Variants in HOXD10 observed in about 807,000 individuals in gnomAD.
The protein encoded by HOXD10 is homeobox D10.
A neutral mutation model predicts 27.0 loss-of-function variants in HOXD10; 15 were observed. The ratio of observed to expected loss-of-function variants is 0.56; its 90% CI spans 0.37 to 0.85. The LOEUF is 0.85. Among genes scored for constraint, HOXD10 ranks in the 40% least tolerant of loss-of-function variants. The pLI, the probability that HOXD10 is intolerant of heterozygous loss-of-function variation, is 0.00. For synonymous variants in HOXD10, 178 were observed against 160.9 expected (o/e 1.11, Z -0.80); for missense variants, 440 against 430.4 (o/e 1.02, Z -0.20).
rs1461734610 is a variant in HOXD10, at chr2:176,119,021, C to T, written c.813C>T (p.Cys271=). 4 of 1,613,608 alleles carry T rather than the reference C, an allele frequency of 2.5e-6. No homozygotes were observed. The highest frequency in any genetic ancestry group is 2.2e-5 in the East Asian group (1 of 44,896). Residue 271 remains cysteine, a synonymous_variant, in exon 2 of 2, where the codon TGC becomes TGT. Coordinates refer to ENST00000249501, the MANE Select transcript of HOXD10 (RefSeq NM_002148.4). ...CAAAGAGTGGCAGAAAGAAGAGGTG[C>T]CCTTACACTAAGCACCAAACGCTGG... The part of the protein sequence containing the change: ...LTAKSGRKKR[C]PYTKHQTLEL...
At chr2:176,118,249 T>G (rs567763109) in intron 1 of HOXD10, among the ~76,000 whole-genome samples, 1 of 152,194 alleles carries the variant, frequency 6.6e-6, no homozygotes, top group African/African-American at 2.4e-5. Flanking sequence ...GATCTGGCTT[T>G]TTGAGAAGGA....
Position 176,119,199 on chromosome 2 carries a change from C to A in HOXD10, c.991C>A (p.Arg331=). The A allele has an allele frequency of 6.2e-7, 1 of 1,613,742 alleles. No homozygotes were observed. The highest frequency in any genetic ancestry group is 8.5e-7 in the Non-Finnish European group (1 of 1,180,004). The change falls in exon 2 of 2, where the codon CGA becomes AGA. Residue 331 remains arginine, a synonymous_variant. Coordinates refer to ENST00000249501, the MANE Select transcript of HOXD10 (RefSeq NM_002148.4). ...GAAGATGAGCCGAGAGAACCGGATC[C>A]GAGAACTGACCGCCAACCTCACGTT... is the stretch of plus-strand genomic sequence containing the variant. ...LKKMSRENRI[R]ELTANLTFS
Position 176,116,939 on chromosome 2 carries a change from A to G in HOXD10, c.106A>G (p.Met36Val), listed in dbSNP as rs779374325. ...SFYSSSASMY[M>V]PPPSADMGTY... is the part of the protein sequence containing the mutation. The stretch of plus-strand genomic sequence containing the variant: ...TTATTCCAGCAGCGCCAGCATGTAC[A>G]TGCCACCACCTAGCGCAGACATGGG... The change falls in exon 1 of 2, where the codon ATG (methionine) becomes GTG (valine). Residue 36 changes from methionine (M) to valine (V), a missense_variant. Coordinates refer to ENST00000249501, the MANE Select transcript of HOXD10 (RefSeq NM_002148.4). The G allele has an allele frequency of 5.0e-6, 8 of 1,614,156 alleles. No homozygotes were observed. Among genetic ancestry groups the G allele is most frequent in the Non-Finnish European group, 6.8e-6 (8 of 1,180,018 alleles).
In HOXD10 at chr2:176,117,585, A is replaced by T. The variant is rs1367640042; in HGVS notation, c.745+7A>T. On this transcript the variant is annotated splice_region_variant and intron_variant, in intron 1 of 1. Transcript: ENST00000249501. ...CAGGAGAAGGAAAGCAAAGGTCGGT[A>T]TGAGCAGAGTTGCCACCCCAGCGGG... 2 of 1,612,816 alleles carry T rather than the reference A, an allele frequency of 1.2e-6. No individual in the cohort carries two copies. The highest frequency in any genetic ancestry group is 1.1e-5 in the South Asian group (1 of 91,072).
rs757830879 is a variant in HOXD10 at position 176,117,034 on chromosome 2, G to A, written c.201G>A (p.Met67Ile). Residue 67 changes from methionine to isoleucine, a missense_variant, in exon 1 of 2, where the codon ATG becomes ATA. By Grantham distance (10) the Met-to-Ile change is conservative (BLOSUM62 1). Transcript: ENST00000249501. ...AAAGAGAAGTGAACCACCAAAATATGGGTATGAATGTGCATCCTTATATAC... is the reference window on the plus strand; with the variant it reads ...AAAGAGAAGTGAACCACCAAAATATAGGTATGAATGTGCATCCTTATATAC... ...LAKREVNHQN[M>I]GMNVHPYIPQ... 1.7e-5 allele frequency: 28 copies of A among 1,614,130 alleles called. No homozygotes were observed. The highest frequency in any genetic ancestry group is 1.5e-4 in the South Asian group (14 of 91,080).
intron 1 of HOXD10, among the ~76,000 whole-genome samples, chr2:176,117,857 C>G (rs1689788974): frequency 6.6e-6 from 1 of 152,214 alleles, no homozygotes; most frequent in Non-Finnish European, 1.5e-5. Context: ...AACAAAAGAG[C>G]GCAAAGGAGA....
At position 176,119,211 on chromosome 2, in the gene HOXD10, G is replaced by A; in HGVS notation, c.1003G>A (p.Ala335Thr). The A allele has an allele frequency of 6.2e-7, 1 of 1,613,578 alleles. No individual in the cohort carries two copies. Among genetic ancestry groups the A allele is most frequent in the Non-Finnish European group, 8.5e-7 (1 of 1,180,000 alleles). ...SRENRIRELT[A>T]NLTFS ...AGAGAACCGGATCCGAGAACTGACC[G>A]CCAACCTCACGTTTTCTTAGGTCTG... Residue 335 changes from alanine (A) to threonine (T), a missense_variant, in exon 2 of 2, where the codon GCC becomes ACC. Transcript: ENST00000249501.
At position 176,117,406 on chromosome 2, in the gene HOXD10, C is replaced by T. The variant is rs1689777801; in HGVS notation, c.573C>T (p.Ser191=). Residue 191 remains serine, a synonymous_variant, in exon 1 of 2, where the codon TCC becomes TCT. Coordinates refer to ENST00000249501, the MANE Select transcript of HOXD10 (RefSeq NM_002148.4). ...NPRGAAKPQL[S]AAQLQMEKKM... Reference sequence around the variant, plus strand: ...GTGGCGCGGCCAAGCCGCAGCTCTCCGCTGCCCAGCTGCAGATGGAAAAGA... The same window carrying T: ...GTGGCGCGGCCAAGCCGCAGCTCTCTGCTGCCCAGCTGCAGATGGAAAAGA... 1 of 1,613,302 alleles carries T rather than the reference C, an allele frequency of 6.2e-7. No homozygotes were observed. The highest frequency in any genetic ancestry group is 1.3e-5 in the African/African-American group (1 of 74,944).
chr2:176,119,272 A>T lies in HOXD10; in HGVS notation c.*41A>T. On this transcript the variant is annotated 3_prime_UTR_variant, in exon 2 of 2. Transcript: ENST00000249501. ...GAGGCCGGTCAGAGGCCAGGATTGG[A>T]GAGGGGGCACCGCGTTCCAGGGCCC... 1 of 1,604,272 alleles carries T rather than the reference A, an allele frequency of 6.2e-7. No individual in the cohort carries two copies. Among genetic ancestry groups the T allele is most frequent in the Non-Finnish European group, 8.5e-7 (1 of 1,174,738 alleles).
chr2:176,117,118 A>G lies in HOXD10; in HGVS notation c.285A>G (p.Thr95=). The G allele has an allele frequency of 6.2e-7, 1 of 1,614,154 alleles. No homozygotes were observed. The highest frequency in any genetic ancestry group is 8.5e-7 in the Non-Finnish European group (1 of 1,179,934). The change falls in exon 1 of 2, where the codon ACA becomes ACG. Residue 95 remains threonine, a synonymous_variant. Transcript: ENST00000249501. ...NRSCRIEQPV[T]QQVPTCSFTT... ...CTTGTCGAATAGAGCAACCTGTTACACAGCAAGTCCCCACTTGCTCCTTCA... is the reference window on the plus strand; with the variant it reads ...CTTGTCGAATAGAGCAACCTGTTACGCAGCAAGTCCCCACTTGCTCCTTCA...
chr2:176,117,655 C>T lies in HOXD10; in HGVS notation c.745+77C>T, dbSNP rs554934568. The T allele has an allele frequency of 1.9e-3, 3,008 of 1,545,886 alleles. 2 individuals are homozygous for T. Among genetic ancestry groups the T allele is most frequent in the Non-Finnish European group, 2.5e-3 (2,811 of 1,129,648 alleles). ...GGCAGAGAGGGAGTGCCGGGGTGCC[C>T]AGCGCCGAGCCGGAGCCCGACTTGG... On this transcript the variant is annotated intron_variant, in intron 1 of 1. Coordinates refer to ENST00000249501, the MANE Select transcript of HOXD10 (RefSeq NM_002148.4).
rs571689388 is a variant in HOXD10, at chr2:176,118,918, T to G, written c.746-36T>G. On this transcript the variant is annotated intron_variant, in intron 1 of 1. Coordinates refer to ENST00000249501, the MANE Select transcript of HOXD10 (RefSeq NM_002148.4). ...CAAAAACAAACAAACAAAAAACCTC[T>G]TGATTTTTTTCTTCTTCTCCCTTTA... 46 of 1,574,508 alleles carry G rather than the reference T, an allele frequency of 2.9e-5. No homozygotes were observed. The South Asian group carries it at 4.8e-4, about 16-fold the overall frequency.
In HOXD10 at chr2:176,119,278, G is replaced by A; in HGVS notation, c.*47G>A. The A allele has an allele frequency of 1.3e-6, 2 of 1,598,770 alleles. No homozygotes were observed. Among genetic ancestry groups the A allele is most frequent in the East Asian group, 2.2e-5 (1 of 44,570 alleles). On this transcript the variant is annotated 3_prime_UTR_variant, in exon 2 of 2. Coordinates refer to ENST00000249501, the MANE Select transcript of HOXD10 (RefSeq NM_002148.4). The stretch of plus-strand genomic sequence containing the variant: ...GGTCAGAGGCCAGGATTGGAGAGGG[G>A]GCACCGCGTTCCAGGGCCCAGTGCT...
In HOXD10 at chr2:176,119,254, G is replaced by A. The variant is rs1479024283; in HGVS notation, c.*23G>A. 3 of 1,610,954 alleles carry A rather than the reference G, an allele frequency of 1.9e-6. No homozygotes were observed. Among genetic ancestry groups the A allele is most frequent in the African/African-American group, 1.3e-5 (1 of 74,846 alleles). ...TAGGTCTGAGGCCGGTCTGAGGCCG[G>A]TCAGAGGCCAGGATTGGAGAGGGGG... On this transcript the variant is annotated 3_prime_UTR_variant, in exon 2 of 2. Coordinates refer to ENST00000249501, the MANE Select transcript of HOXD10 (RefSeq NM_002148.4).
chr2:176,117,419 C>T lies in HOXD10; in HGVS notation c.586C>T (p.Gln196Ter), dbSNP rs749450422. The change falls in exon 1 of 2, where the codon CAG becomes TAG. Residue 196 changes from glutamine to a stop codon, truncating the protein, a stop_gained. Coordinates refer to ENST00000249501, the MANE Select transcript of HOXD10 (RefSeq NM_002148.4). LOFTEE classifies it high-confidence loss of function. ...GCCGCAGCTCTCCGCTGCCCAGCTG[C>T]AGATGGAAAAGAAGATGAACGAGCC... is the stretch of plus-strand genomic sequence containing the variant. Reference protein sequence around the residue: ...AKPQLSAAQLQMEKKMNEPVS... With the variant: ...AKPQLSAAQL The T allele has an allele frequency of 6.2e-7, 1 of 1,613,364 alleles. No homozygotes were observed. Among genetic ancestry groups the T allele is most frequent in the Non-Finnish European group, 8.5e-7 (1 of 1,180,030 alleles).
At chr2:176,117,647 G>C in intron 1 of HOXD10, 69 bp downstream of exon 1, 1 of 1,570,246 alleles carries the variant, frequency 6.4e-7, no homozygotes, top group Non-Finnish European at 8.7e-7. Flanking sequence ...AGGGAGTGCC[G>C]GGGTGCCCAG....
In HOXD10 at chr2:176,119,450, TATATATATATATATAA is replaced by T. The variant is rs1182018033; in HGVS notation, c.*221_*236del. 814 of 151,344 alleles carry T rather than the reference TATATATATATATATAA, an allele frequency of 5.4e-3. 1 individual carries two copies. The East Asian group carries it at 0.077, about 14-fold the overall frequency. The allele number at this position is 151,344 out of a possible 1,614,324, so 9.4% of individuals were successfully genotyped here. A position where few individuals can be genotyped will look rare whatever the true frequency, so the allele number is the denominator to read the frequency against. ...ATCCCTATGAGTATATATATATATA[TATATATATATATATAA>T]AAACTTAGCACGTGTAATTTATTAT... On this transcript the variant is annotated 3_prime_UTR_variant, in exon 2 of 2. Transcript: ENST00000249501.
Position 176,119,411 on chromosome 2 carries a change from G to T in HOXD10, c.*180G>T. ...ACTTTGGGGTCATTATGTTCGTGCT[G>T]CAAGTGATCTGTAATCCCTATGAGT... On this transcript the variant is annotated 3_prime_UTR_variant, in exon 2 of 2. Transcript: ENST00000249501. The T allele has an allele frequency of 3.9e-6, 2 of 514,420 alleles. No individual in the cohort carries two copies. The highest frequency in any genetic ancestry group is 3.1e-5 in the Admixed American group (1 of 32,114). 31.9% of individuals were successfully genotyped at this position (514,420 alleles called of 1,614,324 possible). A position where few individuals can be genotyped will look rare whatever the true frequency, so the allele number is the denominator to read the frequency against.
chr2:176,117,293 C>A lies in HOXD10; in HGVS notation c.460C>A (p.Leu154Met), dbSNP rs751991377. Residue 154 changes from leucine (L) to methionine (M), a missense_variant, in exon 1 of 2, where the codon CTG becomes ATG. Coordinates refer to ENST00000249501, the MANE Select transcript of HOXD10 (RefSeq NM_002148.4). ...PEVPVPGYFR[L>M]SQTYATGKTQ... The stretch of plus-strand genomic sequence containing the variant: ...GGTTCCCGTCCCTGGATATTTTAGA[C>A]TGAGTCAGACCTACGCCACCGGGAA... The A allele has an allele frequency of 6.8e-6, 11 of 1,611,744 alleles. No homozygotes were observed. In the East Asian group the frequency reaches 2.5e-4, roughly 36 times the overall value.
Sources: allele counts gnomAD v4.1 joint callset (sites outside exome capture counted in the v4.1 genomes callset), GRCh38; gene constraint gnomAD v4.1.1; transcripts MANE v1.5; gene names NCBI Gene and HGNC (gene_info 2026-07-23, HGNC 2026-07-21).